Variants in TDRD15 observed in about 807,000 individuals in gnomAD.
TDRD15 encodes the protein tudor domain-containing protein 15.
For synonymous variants in TDRD15, 503 were observed against 314.5 expected (o/e 1.60, Z -6.34); for missense variants, 1,416 against 904.7 (o/e 1.57, Z -7.25).
chr2:21,136,400 G>A (rs1055480036), intron 3 of TDRD15, among the ~76,000 whole-genome samples: 3 of 151,930 alleles, frequency 2.0e-5, no homozygotes, highest in Admixed American at 2.0e-4. Flanking sequence ...TATCATGTGT[G>A]TATAGTTCAT....
Position 21,141,143 on chromosome 2 carries a change from A to C in TDRD15, c.3676A>C (p.Lys1226Gln), listed in dbSNP as rs760961047. 5 of 713,196 alleles carry C rather than the reference A, an allele frequency of 7.0e-6. No homozygotes were observed. The highest frequency in any genetic ancestry group is 1.0e-5 in the Non-Finnish European group (4 of 383,334). 44.2% of individuals were successfully genotyped at this position (713,196 alleles called of 1,614,324 possible). ...GGAACCTGTGTCAAAAAACAAAATGAAGACTTCTTTGAATGATGGGCTTAA... is the reference window on the plus strand; with the variant it reads ...GGAACCTGTGTCAAAAAACAAAATGCAGACTTCTTTGAATGATGGGCTTAA... ...KMEPVSKNKM[K>Q]TSLNDGLKGI... Residue 1226 changes from lysine (K) to glutamine (Q), a missense_variant, in exon 4 of 4, where the codon AAG becomes CAG. By Grantham distance (53) the Lys-to-Gln change is moderately conservative. Coordinates refer to ENST00000405799, the MANE Select transcript of TDRD15 (RefSeq NM_001306137.2).
At position 21,138,692 on chromosome 2, in the gene TDRD15, A is replaced by C; in HGVS notation, c.1225A>C (p.Asn409His). ...ATTACAAACTCAAGAGTCTACAGTT[A>C]ATTCTAAGTGTCTACTGAAGACTGT... ...VTLQTQESTVNSKCLLKTVGT... is the reference protein window; with the variant it reads ...VTLQTQESTVHSKCLLKTVGT... The change falls in exon 4 of 4, where the codon AAT becomes CAT. Residue 409 changes from asparagine to histidine, a missense_variant. Coordinates refer to ENST00000405799, the MANE Select transcript of TDRD15 (RefSeq NM_001306137.2). 4.2e-6 allele frequency: 3 copies of C among 715,738 alleles called. No homozygotes were observed. Among genetic ancestry groups the C allele is most frequent in the Non-Finnish European group, 7.8e-6 (3 of 384,124 alleles). The allele number at this position is 715,738 out of a possible 1,614,324, so 44.3% of individuals were successfully genotyped here.
chr2:21,124,961 G>C (rs1179540194), intron 1 of TDRD15, among the ~76,000 whole-genome samples: 1 of 150,160 alleles, frequency 6.7e-6, no homozygotes, highest in South Asian at 2.1e-4. Context: ...CAGGGTGTGT[G>C]AGCATGACTG....
intron 2 of TDRD15, among the ~76,000 whole-genome samples, chr2:21,128,565 A>C (rs1188025862): frequency 6.6e-6 from 1 of 151,696 alleles, no homozygotes; most frequent in Non-Finnish European, 1.5e-5. Context: ...CTCGCAATCC[A>C]CCCACCTCAG....
In TDRD15 at chr2:21,140,967, C is replaced by T. The variant is rs764721148; in HGVS notation, c.3500C>T (p.Thr1167Ile). The T allele has an allele frequency of 1.4e-6, 1 of 713,978 alleles. No homozygotes were observed. Among genetic ancestry groups the T allele is most frequent in the South Asian group, 1.5e-5 (1 of 67,028 alleles). The allele number at this position is 713,978 out of a possible 1,614,324, so 44.2% of individuals were successfully genotyped here. The change falls in exon 4 of 4, where the codon ACT (threonine) becomes ATT (isoleucine). Residue 1167 changes from threonine to isoleucine, a missense_variant. Physicochemically the swap from Thr to Ile is moderately conservative, Grantham distance 89 (BLOSUM62 -1). Transcript: ENST00000405799. ...ATAAATGAGAATAAGAGATTTACTACTTCTTTGAAAGGCAAAACAGGAAAC... is the reference window on the plus strand; with the variant it reads ...ATAAATGAGAATAAGAGATTTACTATTTCTTTGAAAGGCAAAACAGGAAAC... ...NKINENKRFT[T>I]SLKGKTGNNY...
intron 2 of TDRD15, among the ~76,000 whole-genome samples, chr2:21,134,013 T>C (rs1306056050): frequency 6.6e-6 from 1 of 152,004 alleles, no homozygotes; most frequent in East Asian, 1.9e-4. Context: ...TAAATGGTGT[T>C]ACTGGATTAC....
rs1475055681 is a variant in TDRD15, at chr2:21,138,349, G to A, written c.882G>A (p.Leu294=). 2 of 716,422 alleles carry A rather than the reference G, an allele frequency of 2.8e-6. No individual in the cohort carries two copies. Among genetic ancestry groups the A allele is most frequent in the East Asian group, 5.4e-5 (2 of 37,290 alleles). The allele number at this position is 716,422 out of a possible 1,614,324, so 44.4% of individuals were successfully genotyped here. A position where few individuals can be genotyped will look rare whatever the true frequency, so the allele number is the denominator to read the frequency against. Residue 294 remains leucine (L), a synonymous_variant, in exon 4 of 4, where the codon CTG becomes CTA. Coordinates refer to ENST00000405799, the MANE Select transcript of TDRD15 (RefSeq NM_001306137.2). The part of the protein sequence containing the change: ...ETSPTCDNFG[L]LCVARRRNGQ... ...GTCCCACGTGTGATAATTTTGGACT[G>A]CTTTGTGTTGCCAGAAGGCGAAATG... is the stretch of plus-strand genomic sequence containing the variant.
chr2:21,141,196 A>G lies in TDRD15; in HGVS notation c.3729A>G (p.Ala1243=), dbSNP rs762485039. ...GTATAAAAATTGTCCCTGGAGCTGCACATATTCTTGAGAACAGGCGTGTGG... is the reference window on the plus strand; with the variant it reads ...GTATAAAAATTGTCCCTGGAGCTGCGCATATTCTTGAGAACAGGCGTGTGG... The part of the protein sequence containing the change: ...LKGIKIVPGA[A]HILENRRVGQ... Residue 1243 remains alanine, a synonymous_variant, in exon 4 of 4, where the codon GCA becomes GCG. Transcript: ENST00000405799. 12 of 714,678 alleles carry G rather than the reference A, an allele frequency of 1.7e-5. No individual in the cohort carries two copies. Among genetic ancestry groups the G allele is most frequent in the Non-Finnish European group, 2.3e-5 (9 of 383,722 alleles). The allele number at this position is 714,678 out of a possible 1,614,324, so 44.3% of individuals were successfully genotyped here.
At chr2:21,125,349 A>G (rs907054165) in intron 1 of TDRD15, among the ~76,000 whole-genome samples, 2 of 149,242 alleles carry the variant, frequency 1.3e-5, no homozygotes, top group Non-Finnish European at 3.0e-5. Context: ...TGTGTGTTTG[A>G]ATTAGATTCT....
At chr2:21,127,578 T>C (rs1665624016) in intron 1 of TDRD15, 23 bp from the exon 2 acceptor site, 1 of 152,198 alleles carries the variant, frequency 6.6e-6, no homozygotes, top group African/African-American at 2.4e-5. Context: ...AAAATCATTT[T>C]ATCTTTTATT....
In TDRD15 at chr2:21,138,045, T is replaced by C. The variant is rs1243832038; in HGVS notation, c.578T>C (p.Ile193Thr). ...RLVDGDSFRL[I>T]VEMLEEFPQQ... ...GTTGATGGAGATTCATTTCGTCTTA[T>C]TGTGGAAATGTTAGAAGAATTCCCT... The change falls in exon 4 of 4, where the codon ATT (isoleucine) becomes ACT (threonine). Residue 193 changes from isoleucine (I) to threonine (T), a missense_variant. Transcript: ENST00000405799. The C allele has an allele frequency of 2.8e-6, 2 of 716,360 alleles. No individual in the cohort carries two copies. The highest frequency in any genetic ancestry group is 2.7e-5 in the East Asian group (1 of 37,268). The allele number at this position is 716,360 out of a possible 1,614,324, so 44.4% of individuals were successfully genotyped here. A position where few individuals can be genotyped will look rare whatever the true frequency, so the allele number is the denominator to read the frequency against.
chr2:21,135,137 T>C (rs1665785034), intron 3 of TDRD15, among the ~76,000 whole-genome samples: 1 of 143,154 alleles, frequency 7.0e-6, no homozygotes, highest in Admixed American at 6.9e-5. Context: ...TTAAATATTA[T>C]ATATTTATAT....
At position 21,143,664 on chromosome 2, in the gene TDRD15, A is replaced by C. The variant is rs922966746; in HGVS notation, c.*392A>C. Among the ~76,000 whole-genome samples, 1 of 151,720 alleles carries C rather than the reference A, an allele frequency of 6.6e-6. No homozygotes were observed. Among genetic ancestry groups the C allele is most frequent in the African/African-American group, 2.4e-5 (1 of 41,396 alleles). On this transcript the variant is annotated 3_prime_UTR_variant, in exon 4 of 4. Transcript: ENST00000405799. ...AAACATTGCATGATAATAAAAAAAA[A>C]CACAGAACACTTAAAAGGTAAACAG...
At position 21,142,650 on chromosome 2, in the gene TDRD15, A is replaced by G. The variant is rs1488755332; in HGVS notation, c.5183A>G (p.Gln1728Arg). ...SCTIKSFTWVQFQNDRQYSGI... is the reference protein window; with the variant it reads ...SCTIKSFTWVRFQNDRQYSGI... ...ACAATAAAATCATTTACTTGGGTTC[A>G]ATTCCAAAATGATAGGCAGTATTCT... The change falls in exon 4 of 4, where the codon CAA becomes CGA. Residue 1728 changes from glutamine (Q) to arginine (R), a missense_variant. Coordinates refer to ENST00000405799, the MANE Select transcript of TDRD15 (RefSeq NM_001306137.2). 1.4e-6 allele frequency: 1 copy of G among 712,232 alleles called. No individual in the cohort carries two copies. Among genetic ancestry groups the G allele is most frequent in the Non-Finnish European group, 2.6e-6 (1 of 382,796 alleles). 44.1% of individuals were successfully genotyped at this position (712,232 alleles called of 1,614,324 possible).
rs754525121 is a variant in TDRD15, at chr2:21,138,112, G to A, written c.645G>A (p.Leu215=). 10 of 716,266 alleles carry A rather than the reference G, an allele frequency of 1.4e-5. No homozygotes were observed. The highest frequency in any genetic ancestry group is 3.5e-5 in the African/African-American group (2 of 57,170). The allele number at this position is 716,266 out of a possible 1,614,324, so 44.4% of individuals were successfully genotyped here. The part of the protein sequence containing the change: ...PDLLQHKRPE[L]SLGNKDTSLD... ...TATTACAACATAAAAGGCCTGAATT[G>A]TCATTAGGTAATAAAGATACTTCAC... is the stretch of plus-strand genomic sequence containing the variant. Residue 215 remains leucine, a synonymous_variant, in exon 4 of 4, where the codon TTG becomes TTA. Coordinates refer to ENST00000405799, the MANE Select transcript of TDRD15 (RefSeq NM_001306137.2).
chr2:21,141,835 T>C lies in TDRD15; in HGVS notation c.4368T>C (p.Ile1456=). The C allele has an allele frequency of 1.4e-6, 1 of 714,752 alleles. No individual in the cohort carries two copies. Among genetic ancestry groups the C allele is most frequent in the South Asian group, 1.5e-5 (1 of 67,286 alleles). The allele number at this position is 714,752 out of a possible 1,614,324, so 44.3% of individuals were successfully genotyped here. Residue 1456 remains isoleucine, a synonymous_variant, in exon 4 of 4, where the codon ATT becomes ATC. Transcript: ENST00000405799. ...ATCAGAAATGGGAAGTAAATATGAT[T>C]TGTGATGAAAAATGTGTCATTAATG... The part of the protein sequence containing the change: ...KHDQKWEVNM[I]CDEKCVINEL...
At chr2:21,124,745 T>C (rs1322650639) in intron 1 of TDRD15, among the ~76,000 whole-genome samples, 2 of 137,800 alleles carry the variant, frequency 1.5e-5, no homozygotes, top group African/African-American at 5.5e-5. Flanking sequence ...TGTGTGTGCG[T>C]GTGTGTGTGT....
At chr2:21,127,570 A>C (rs1179905932) in intron 1 of TDRD15, 31 bp from the exon 2 acceptor site, 2 of 152,102 alleles carry the variant, frequency 1.3e-5, no homozygotes, top group African/African-American at 2.4e-5. Context: ...CTTGGTTGAA[A>C]ATCATTTTAT....
chr2:21,138,639 A>G lies in TDRD15; in HGVS notation c.1172A>G (p.Asn391Ser), dbSNP rs1665860444. The G allele has an allele frequency of 5.6e-6, 4 of 714,090 alleles. No individual in the cohort carries two copies. Among genetic ancestry groups the G allele is most frequent in the South Asian group, 4.5e-5 (3 of 67,022 alleles). 44.2% of individuals were successfully genotyped at this position (714,090 alleles called of 1,614,324 possible). A position where few individuals can be genotyped will look rare whatever the true frequency, so the allele number is the denominator to read the frequency against. The change falls in exon 4 of 4, where the codon AAT (asparagine) becomes AGT (serine). Residue 391 changes from asparagine (N) to serine (S), a missense_variant. Coordinates refer to ENST00000405799, the MANE Select transcript of TDRD15 (RefSeq NM_001306137.2). ...GTATATGCACACATTGATTGGTTCA[A>G]TAAGGATGAGTGTTTGTATTATGTG... Reference protein sequence around the residue: ...QVVYAHIDWFNKDECLYYVTL... With the variant: ...QVVYAHIDWFSKDECLYYVTL...
Sources: allele counts gnomAD v4.1 joint callset (sites outside exome capture counted in the v4.1 genomes callset), GRCh38; gene constraint gnomAD v4.1.1; transcripts MANE v1.5; gene names NCBI Gene and HGNC (gene_info 2026-07-23, HGNC 2026-07-21).